DSE: variants seen among roughly 807,000 people sequenced by gnomAD.
DSE encodes the protein dermatan-sulfate epimerase.
In DSE, 36 loss-of-function variants were observed where a neutral mutation model predicts 84.4. The observed-to-expected ratio is 0.43, with a 90% CI of 0.33 to 0.56. DSE has a LOEUF of 0.56. Among genes scored for constraint, DSE ranks in the 20% least tolerant of loss-of-function variants. The pLI is 0.06. For synonymous variants in DSE, 410 were observed against 430.1 expected, an observed-to-expected ratio of 0.95 and a Z score of 0.58; for missense variants, 862 against 1,169.6, an observed-to-expected ratio of 0.74 and a Z score of 3.84.
chr6:116,389,761 A>G (rs1316572742), intron 1 of DSE, among the ~76,000 whole-genome samples: 1 of 152,182 alleles, frequency 6.6e-6, no homozygotes, highest in Non-Finnish European at 1.5e-5. Flanking sequence ...GGTTAAAGCT[A>G]TTGCTGAGAG....
Position 116,444,606 on chromosome 6 carries a change from A to G in DSE, c.*7261A>G, listed in dbSNP as rs1215111535. The G allele has an allele frequency of 1.3e-5, 2 of 152,116 alleles. No individual in the cohort carries two copies. Among genetic ancestry groups the G allele is most frequent in the African/African-American group, 4.8e-5 (2 of 41,416 alleles). The allele number at this position is 152,116 out of a possible 1,614,324, so 9.4% of individuals were successfully genotyped here. A position where few individuals can be genotyped will look rare whatever the true frequency, so the allele number is the denominator to read the frequency against. ...ATGTTGAAACCTAATCCTTAATGTG[A>G]TAGTATTAGGATGTGGGGCCTTTGG... On this transcript the variant is annotated 3_prime_UTR_variant, in exon 6 of 6. Coordinates refer to ENST00000644252, the MANE Select transcript of DSE (RefSeq NM_013352.4).
At chr6:116,257,648 G>C (rs1337721726) in intron 1 of DSE, among the ~76,000 whole-genome samples, 2 of 152,172 alleles carry the variant, frequency 1.3e-5, no homozygotes, top group Admixed American at 6.5e-5. Context: ...TTCTTAGACT[G>C]TAGTTTGTTG....
In DSE at chr6:116,274,562, A is replaced by T. The variant is rs184726815; in HGVS notation, c.-54+15595A>T. Among the ~76,000 whole-genome samples the T allele has an allele frequency of 5.9e-3, 903 of 152,164 alleles. 13 individuals carry two copies. The highest frequency in any genetic ancestry group is 0.021 in the African/African-American group (863 of 41,464). On this transcript the variant is annotated intron_variant, in intron 2 of 3. Coordinates refer to the DSE transcript ENST00000430252. ...GCCATTGCACTCCAGCCTGAGCAACAAGAGCAAAACTCTGTCTCAAAAAAA... is the reference window on the plus strand; with the variant it reads ...GCCATTGCACTCCAGCCTGAGCAACTAGAGCAAAACTCTGTCTCAAAAAAA...
intron 1 of DSE, among the ~76,000 whole-genome samples, chr6:116,384,691 C>T (rs1780464410): frequency 6.6e-6 from 1 of 152,052 alleles, no homozygotes; most frequent in Non-Finnish European, 1.5e-5. Context: ...TTAGTTATCT[C>T]TGAGGATTTA....
intron 2 of DSE, among the ~76,000 whole-genome samples, chr6:116,291,639 G>A (rs935540606): frequency 2.0e-5 from 3 of 151,682 alleles, no homozygotes; most frequent in Admixed American, 1.3e-4. Flanking sequence ...GGATATTGGA[G>A]GCTTTTAAAC....
chr6:116,349,238 C>A (rs559068967), intron 2 of DSE, among the ~76,000 whole-genome samples: 26 of 152,254 alleles, frequency 1.7e-4, no homozygotes, highest in Non-Finnish European at 3.5e-4. Flanking sequence ...CATACATACA[C>A]ACCTCTAAAC....
At chr6:116,282,599 G>A (rs1773608882) in intron 2 of DSE, among the ~76,000 whole-genome samples, 1 of 152,022 alleles carries the variant, frequency 6.6e-6, no homozygotes, top group African/African-American at 2.4e-5. Flanking sequence ...GTATAAAGCT[G>A]TGATAAGGAA....
chr6:116,335,197 A>G (rs1192638491), intron 2 of DSE, among the ~76,000 whole-genome samples: 1 of 152,220 alleles, frequency 6.6e-6, no homozygotes. Flanking sequence ...TGCAGCCATA[A>G]AAAGGGACAA....
Position 116,395,705 on chromosome 6 carries a change from G to A in DSE, c.-53-3493G>A, listed in dbSNP as rs148368692. On this transcript the variant is annotated intron_variant, in intron 1 of 5. Transcript: ENST00000644252. ...AGTACGTAAAATTAACGTAAAGCCT[G>A]TCCATTTTTGGTCCACCTAAAATTA... Among the ~76,000 whole-genome samples the A allele has an allele frequency of 3.3e-5, 5 of 152,216 alleles. No individual in the cohort carries two copies. In the East Asian group the frequency reaches 9.6e-4, roughly 29 times the overall value.
upstream of DSE, chr6:116,370,934 C>G (rs974158247): frequency 7.1e-6 from 7 of 985,378 alleles, no homozygotes; most frequent in Non-Finnish European, 8.4e-6. Context: ...CCGCCCCCGC[C>G]GGCCCGGCTC....
chr6:116,276,691 A>G (rs1351568211), intron 2 of DSE: 1 of 152,232 alleles, frequency 6.6e-6, no homozygotes, highest in Non-Finnish European at 1.5e-5. Context: ...TCATTCAAGC[A>G]TTACATTTAT....
chr6:116,262,276 T>A (rs184662492), intron 2 of DSE, among the ~76,000 whole-genome samples: 2 of 152,210 alleles, frequency 1.3e-5, no homozygotes, highest in Non-Finnish European at 2.9e-5. Flanking sequence ...AGGCTTTTTA[T>A]TACTGATTAC....
At chr6:116,290,855 C>T (rs922407451) in intron 2 of DSE, among the ~76,000 whole-genome samples, 1 of 152,110 alleles carries the variant, frequency 6.6e-6, no homozygotes, top group Admixed American at 6.6e-5. Context: ...TCCAGCCAAC[C>T]TCAGTGAAAT....
chr6:116,344,148 C>G (rs1777793725), intron 2 of DSE, among the ~76,000 whole-genome samples: 1 of 152,210 alleles, frequency 6.6e-6, no homozygotes, highest in Non-Finnish European at 1.5e-5. Flanking sequence ...AAGACCAAAT[C>G]TACATCTGAT....
intron 2 of DSE, among the ~76,000 whole-genome samples, chr6:116,272,955 C>T (rs538969786): frequency 4.6e-5 from 7 of 152,286 alleles, no homozygotes; most frequent in Non-Finnish European, 2.9e-5. Flanking sequence ...CAGTGTCAGG[C>T]GCAAAGTAAG....
chr6:116,326,562 T>C (rs1776633992), intron 2 of DSE, among the ~76,000 whole-genome samples: 1 of 152,150 alleles, frequency 6.6e-6, no homozygotes, highest in Non-Finnish European at 1.5e-5. Flanking sequence ...ACCACCGGCG[T>C]CTTCTGAATG....
chr6:116,347,375 A>T (rs542646887), intron 2 of DSE, among the ~76,000 whole-genome samples: 3 of 152,212 alleles, frequency 2.0e-5, no homozygotes, highest in Admixed American at 1.3e-4. Flanking sequence ...AAACTATACT[A>T]CAAGGCTACA....
intron 3 of DSE, among the ~76,000 whole-genome samples, chr6:116,429,792 C>CAA (rs555278862): frequency 1.7e-5 from 1 of 59,650 alleles, no homozygotes; most frequent in Non-Finnish European, 3.3e-5. Flanking sequence ...ACTAAAAATA[C>CAA]AAAAAAAAAA....
intron 1 of DSE, among the ~76,000 whole-genome samples, chr6:116,382,004 C>G (rs969360294): frequency 1.3e-5 from 2 of 149,976 alleles, no homozygotes; most frequent in Non-Finnish European, 3.0e-5. Context: ...AGATGCTTCA[C>G]TCCAATCTCT....
Sources: gnomAD v4.1 joint callset for allele counts (sites outside exome capture counted in the v4.1 genomes callset) on GRCh38, gnomAD v4.1.1 for gene constraint, MANE v1.5 for transcripts, NCBI Gene and HGNC (gene_info 2026-07-23, HGNC 2026-07-21) for gene names.